The following DNAAF19 variants were observed in gnomAD, a reference collection of about 807,000 sequenced individuals.
DNAAF19 encodes dynein axonemal assembly factor 19.
chr17:44,902,559 G>A, the DNAAF19 span: 38 of 1,614,074 alleles, frequency 2.4e-5, no homozygotes, highest in East Asian at 6.7e-5. Flanking sequence ...ACGTGGGGCC[G>A]GCTGACCGGG....
the DNAAF19 span, among the ~76,000 whole-genome samples, chr17:44,902,164 C>T: frequency 2.6e-5 from 4 of 152,178 alleles, no homozygotes; most frequent in Admixed American, 6.5e-5. Flanking sequence ...CAAATCATGG[C>T]GTGGATTCCT....
the DNAAF19 span, chr17:44,902,745 G>A: frequency 1.2e-6 from 2 of 1,607,518 alleles, no homozygotes; most frequent in East Asian, 2.2e-5. Context: ...AGGGTCTGGA[G>A]GAGCAGTCTG....
the DNAAF19 span, chr17:44,899,987 T>C: frequency 5.3e-5 from 8 of 152,144 alleles, no homozygotes; most frequent in African/African-American, 1.9e-4. Flanking sequence ...ATGGGATTGG[T>C]TGGGGACTTC....
the DNAAF19 span, chr17:44,904,892 T>C: frequency 6.4e-7 from 1 of 1,550,598 alleles, no homozygotes; most frequent in Admixed American, 2.0e-5. Flanking sequence ...AGTTGCTGGC[T>C]TCCGGCTGGG....
chr17:44,903,545 G>C, the DNAAF19 span: 17 of 1,351,130 alleles, frequency 1.3e-5, no homozygotes, highest in Non-Finnish European at 1.6e-5. Flanking sequence ...CCATTCTTGG[G>C]TGAGCGCCAG....
the DNAAF19 span, chr17:44,904,241 G>A: frequency 2.6e-6 from 4 of 1,550,458 alleles, no homozygotes; most frequent in Non-Finnish European, 3.5e-6. Context: ...CGCCTACGAT[G>A]TGGACATCCA....
At chr17:44,901,297 C>G in the DNAAF19 span, among the ~76,000 whole-genome samples, 1 of 152,246 alleles carries the variant, frequency 6.6e-6, no homozygotes, top group Non-Finnish European at 1.5e-5. Context: ...AATTATTTAT[C>G]TGTAGAACAG....
At chr17:44,900,895 T>C in the DNAAF19 span, 1 of 1,233,286 alleles carries the variant, frequency 8.1e-7, no homozygotes, top group East Asian at 2.7e-5. Flanking sequence ...CCAGAGTGCT[T>C]TGGGGTCATT....
the DNAAF19 span, chr17:44,901,790 G>A: frequency 9.7e-7 from 1 of 1,027,282 alleles, no homozygotes; most frequent in Non-Finnish European, 1.4e-6. Context: ...TAAACCAACA[G>A]AGATAGGTTT....
chr17:44,903,097 G>A, the DNAAF19 span: 6 of 1,333,628 alleles, frequency 4.5e-6, no homozygotes, highest in Non-Finnish European at 1.9e-6. Context: ...TAGCCCACTG[G>A]CCTTGAGAGA....
the DNAAF19 span, chr17:44,901,397 T>A: frequency 8.3e-7 from 1 of 1,208,914 alleles, no homozygotes; most frequent in Admixed American, 2.2e-5. Context: ...GCTATCGCTG[T>A]TGTTATTATT....
the DNAAF19 span, chr17:44,905,260 G>C: frequency 1.7e-6 from 1 of 597,290 alleles, no homozygotes; most frequent in Non-Finnish European, 3.0e-6. Flanking sequence ...CCTGAGGCTG[G>C]TGGGAGATTG....
At chr17:44,905,301 A>G in the DNAAF19 span, 1 of 550,008 alleles carries the variant, frequency 1.8e-6, no homozygotes, top group South Asian at 2.5e-5. Context: ...AGTAGGGCAC[A>G]TGTGTTTCCT....
At chr17:44,903,517 A>G in the DNAAF19 span, 1 of 1,283,410 alleles carries the variant, frequency 7.8e-7, no homozygotes. Flanking sequence ...CGCCCTTCTC[A>G]TTCCGGTTTC....
chr17:44,903,028 C>CTT, the DNAAF19 span: 4 of 1,405,494 alleles, frequency 2.8e-6, no homozygotes, highest in Admixed American at 1.2e-4. Context: ...CATGGACAGT[C>CTT]AAGAGCTCAG....
chr17:44,904,168 C>T, the DNAAF19 span: 1 of 1,550,366 alleles, frequency 6.5e-7, no homozygotes, highest in Non-Finnish European at 8.7e-7. Context: ...TGTTGGTTTT[C>T]AGGGCTCAGT....
the DNAAF19 span, chr17:44,904,159 G>A: frequency 6.5e-7 from 1 of 1,550,386 alleles, no homozygotes; most frequent in South Asian, 1.2e-5. Context: ...TGTTCAGCTT[G>A]TTGGTTTTCA....
the DNAAF19 span, chr17:44,902,640 C>T: frequency 5.6e-6 from 9 of 1,614,070 alleles, no homozygotes; most frequent in Admixed American, 6.7e-5. Context: ...GCCTGCTGAG[C>T]CGGGCAGAGA....
At chr17:44,902,159 C>T in the DNAAF19 span, among the ~76,000 whole-genome samples, 1 of 152,316 alleles carries the variant, frequency 6.6e-6, no homozygotes, top group Non-Finnish European at 1.5e-5. Context: ...AATCTCAAAT[C>T]ATGGCGTGGA....
Sources: gnomAD v4.1 joint callset for allele counts (sites outside exome capture counted in the v4.1 genomes callset) on GRCh38, gnomAD v4.1.1 for gene constraint, MANE v1.5 for transcripts, NCBI Gene and HGNC (gene_info 2026-07-23, HGNC 2026-07-21) for gene names.